The following SYN3 variants were observed in gnomAD, a reference collection of about 807,000 sequenced individuals.
SYN3 encodes synapsin-3.
A neutral mutation model predicts 65.8 loss-of-function variants in SYN3; 35 were observed. The observed-to-expected ratio is 0.53, with a 90% CI of 0.41 to 0.70. The LOEUF (loss-of-function observed/expected upper bound fraction) is 0.70. SYN3 is among the 30% of genes least tolerant of loss of function. The pLI, the probability that SYN3 is intolerant of heterozygous loss-of-function variation, is 0.00. For synonymous variants in SYN3, 270 were observed against 292.9 expected (o/e 0.92, Z 0.80); for missense variants, 680 against 749.0 (o/e 0.91, Z 1.08).
intron 4 of SYN3, among the ~76,000 whole-genome samples, chr22:32,914,794 C>T (rs1240754162): frequency 6.6e-6 from 1 of 152,074 alleles, no homozygotes; most frequent in African/African-American, 2.4e-5. Context: ...AGCTCACTAG[C>T]TTATCACATT....
At chr22:32,686,056 G>A (rs1305586353) in intron 6 of SYN3, among the ~76,000 whole-genome samples, 1 of 151,978 alleles carries the variant, frequency 6.6e-6, no homozygotes, top group Non-Finnish European at 1.5e-5. Context: ...ATTTTCTCTG[G>A]GTATTGGAAT....
At chr22:32,696,697 G>A (rs527484638) in intron 6 of SYN3, among the ~76,000 whole-genome samples, 216 of 152,306 alleles carry the variant, frequency 1.4e-3, no homozygotes, top group Admixed American at 2.4e-3. Context: ...ATGCATTCCT[G>A]TCCTGAGTGG....
chr22:32,829,990 G>A (rs1349468886), intron 6 of SYN3, among the ~76,000 whole-genome samples: 1 of 152,244 alleles, frequency 6.6e-6, no homozygotes, highest in South Asian at 2.1e-4. Flanking sequence ...CACTGCACTT[G>A]GACTGATACC....
chr22:32,657,671 G>A (rs1245707173), intron 6 of SYN3, among the ~76,000 whole-genome samples: 1 of 152,146 alleles, frequency 6.6e-6, no homozygotes, highest in Non-Finnish European at 1.5e-5. Context: ...TGTGCTCTCC[G>A]GAGCCTTCCC....
intron 6 of SYN3, among the ~76,000 whole-genome samples, chr22:32,756,661 T>C (rs968917586): frequency 6.6e-6 from 1 of 152,134 alleles, no homozygotes; most frequent in Non-Finnish European, 1.5e-5. Flanking sequence ...TTCTCTCTCG[T>C]GAGATCTGGT....
chr22:32,743,688 G>T (rs561402338), intron 6 of SYN3, among the ~76,000 whole-genome samples: 6 of 152,220 alleles, frequency 3.9e-5, no homozygotes, highest in African/African-American at 7.2e-5. Context: ...TCTCCCCTTG[G>T]ACTCTAATTT....
chr22:32,568,621 C>T (rs541974793), intron 7 of SYN3, among the ~76,000 whole-genome samples: 2 of 152,268 alleles, frequency 1.3e-5, no homozygotes, highest in East Asian at 3.9e-4. Context: ...AACAAGCTCC[C>T]AGGGCCTATT....
chr22:32,826,126 T>TA (rs1236908525), intron 6 of SYN3, among the ~76,000 whole-genome samples: 1 of 152,174 alleles, frequency 6.6e-6, no homozygotes, highest in Admixed American at 6.5e-5. Flanking sequence ...TTGTATTACT[T>TA]AAGTTAAAAA....
At chr22:32,748,924 T>C (rs1311747294) in intron 6 of SYN3, among the ~76,000 whole-genome samples, 1 of 152,154 alleles carries the variant, frequency 6.6e-6, no homozygotes, top group Non-Finnish European at 1.5e-5. Flanking sequence ...TACTTTTGGG[T>C]TCTGTTTCCT....
chr22:32,562,197 A>G (rs1281357864), intron 7 of SYN3, among the ~76,000 whole-genome samples: 3 of 152,224 alleles, frequency 2.0e-5, no homozygotes, highest in Non-Finnish European at 4.4e-5. Flanking sequence ...GACTTTGCAC[A>G]GTGGATAACA....
intron 6 of SYN3, among the ~76,000 whole-genome samples, chr22:32,663,362 C>CTG (rs1375753140): frequency 6.6e-6 from 1 of 150,938 alleles, no homozygotes; most frequent in Non-Finnish European, 1.5e-5. Flanking sequence ...GCAGTGGCGC[C>CTG]ATCTTGGCTC....
rs79304289 is a variant in SYN3 at position 32,880,100 on chromosome 22, C to T, written c.462-10975G>A. On this transcript the variant is annotated intron_variant, in intron 4 of 13. Coordinates refer to ENST00000358763, the MANE Select transcript of SYN3 (RefSeq NM_003490.4). ...CCCACCTCCCACTGTAGCTGTGCAT[C>T]TGAGCTCCCCTGTTACATTCTGTCA... 7.6e-3 allele frequency among the ~76,000 whole-genome samples: 1,125 copies of T among 147,208 alleles called. 6 individuals are homozygous for T. Among genetic ancestry groups the T allele is most frequent in the East Asian group, 0.027 (132 of 4,872 alleles).
intron 4 of SYN3, among the ~76,000 whole-genome samples, chr22:32,915,619 G>A (rs922959406): frequency 2.6e-5 from 4 of 152,104 alleles, no homozygotes; most frequent in Non-Finnish European, 4.4e-5. Context: ...AAGTGCAAAG[G>A]CCCTGAGGAG....
chr22:33,028,643 A>ATGT (rs2053680701), intron 1 of SYN3, among the ~76,000 whole-genome samples: 2 of 93,136 alleles, frequency 2.1e-5, no homozygotes, highest in Admixed American at 2.8e-4. Flanking sequence ...AAGAACCATG[A>ATGT]TGGTGGTGGT....
intron 6 of SYN3, among the ~76,000 whole-genome samples, chr22:32,610,692 C>T (rs978865232): frequency 6.6e-6 from 1 of 152,180 alleles, no homozygotes; most frequent in Middle Eastern, 3.2e-3. Context: ...AAGCAATTCT[C>T]CTGCCTCAGC....
intron 7 of SYN3, among the ~76,000 whole-genome samples, chr22:32,592,199 CTT>C (rs2146560927): frequency 6.6e-6 from 1 of 152,238 alleles, no homozygotes; most frequent in South Asian, 2.1e-4. Flanking sequence ...GGGAAGCTGT[CTT>C]ATGTACTGTG....
chr22:32,953,846 T>A (rs2051364561), intron 3 of SYN3, among the ~76,000 whole-genome samples: 1 of 152,182 alleles, frequency 6.6e-6, no homozygotes, highest in South Asian at 2.1e-4. Flanking sequence ...TCCTTCTTCA[T>A]CAACATCATC....
intron 6 of SYN3, among the ~76,000 whole-genome samples, chr22:32,662,212 CA>C (rs903643498): frequency 1.8e-4 from 27 of 152,230 alleles, no homozygotes; most frequent in African/African-American, 6.3e-4. Flanking sequence ...TCCTTTTCGG[CA>C]TTCTTTTCTC....
chr22:32,536,167 G>A (rs1471712871), intron 9 of SYN3, among the ~76,000 whole-genome samples: 2 of 152,230 alleles, frequency 1.3e-5, no homozygotes, highest in African/African-American at 4.8e-5. Flanking sequence ...TTCCGGAAGG[G>A]CCATAGAGAA....
Sources: gnomAD v4.1 joint callset for allele counts (sites outside exome capture counted in the v4.1 genomes callset) on GRCh38, gnomAD v4.1.1 for gene constraint, MANE v1.5 for transcripts, NCBI Gene and HGNC (gene_info 2026-07-23, HGNC 2026-07-21) for gene names.